Variants in COL13A1 observed in about 807,000 individuals in gnomAD.
The protein encoded by COL13A1 is collagen alpha-1(XIII) chain.
A neutral mutation model predicts 130.9 loss-of-function variants in COL13A1; 89 were observed. That is an observed-to-expected ratio of 0.68 (90% CI 0.57 to 0.81). The LOEUF (loss-of-function observed/expected upper bound fraction) is 0.81. COL13A1 is among the 30% of genes least tolerant of loss of function. COL13A1 has a pLI of 0.00. For missense variants in COL13A1, 879 were observed against 934.6 expected, an observed-to-expected ratio of 0.94 and a Z score of 0.78; for synonymous variants, 402 against 341.6, an observed-to-expected ratio of 1.18 and a Z score of -1.95.
At chr10:69,845,599 G>A (rs1852818490) in intron 2 of COL13A1, among the ~76,000 whole-genome samples, 1 of 151,956 alleles carries the variant, frequency 6.6e-6, no homozygotes, top group African/African-American at 2.4e-5. Flanking sequence ...CCCTCAGCCT[G>A]CAGCCCCTCC....
At chr10:69,903,344 G>A (rs1035568367) in intron 15 of COL13A1, among the ~76,000 whole-genome samples, 7 of 152,226 alleles carry the variant, frequency 4.6e-5, no homozygotes, top group African/African-American at 7.2e-5. Context: ...AGAGCCCTGC[G>A]CCAAGCCTGA....
intron 1 of COL13A1, among the ~76,000 whole-genome samples, chr10:69,815,518 G>T (rs1844251169): frequency 6.6e-6 from 1 of 152,176 alleles, no homozygotes; most frequent in African/African-American, 2.4e-5. Context: ...CATCTTGGGG[G>T]TGTCTCACCA....
chr10:69,948,958 T>C (rs2068961005), intron 38 of COL13A1, among the ~76,000 whole-genome samples: 1 of 152,198 alleles, frequency 6.6e-6, no homozygotes, highest in Admixed American at 6.5e-5. Flanking sequence ...CTTTCCTCCA[T>C]CCCCTTTACA....
At chr10:69,931,806 C>T (rs2066160757) in intron 30 of COL13A1, among the ~76,000 whole-genome samples, 1 of 152,210 alleles carries the variant, frequency 6.6e-6, no homozygotes, top group African/African-American at 2.4e-5. Flanking sequence ...AACGTAGCGG[C>T]CTAAGAAAAT....
At chr10:69,838,499 A>G (rs1714572211) in intron 2 of COL13A1, among the ~76,000 whole-genome samples, 1 of 152,206 alleles carries the variant, frequency 6.6e-6, no homozygotes, top group Non-Finnish European at 1.5e-5. Context: ...GTGGTACAGT[A>G]CCTGGCATGG....
At chr10:69,906,129 G>A (rs1290387582) in intron 17 of COL13A1, among the ~76,000 whole-genome samples, 1 of 152,242 alleles carries the variant, frequency 6.6e-6, no homozygotes, top group Non-Finnish European at 1.5e-5. Flanking sequence ...TTTATTAAGT[G>A]CTACTGTCAC....
chr10:69,846,661 C>T (rs1853191353), intron 2 of COL13A1, among the ~76,000 whole-genome samples: 1 of 152,086 alleles, frequency 6.6e-6, no homozygotes, highest in South Asian at 2.1e-4. Context: ...AATTTGTTAG[C>T]ACCAGCTAAT....
intron 12 of COL13A1, among the ~76,000 whole-genome samples, chr10:69,895,303 C>T (rs529204001): frequency 1.1e-4 from 16 of 152,310 alleles, no homozygotes; most frequent in African/African-American, 3.4e-4. Context: ...TGGTATAAGG[C>T]GAAGCCCCAC....
At chr10:69,886,195 G>T (rs1299547000) in intron 7 of COL13A1, among the ~76,000 whole-genome samples, 1 of 152,190 alleles carries the variant, frequency 6.6e-6, no homozygotes, top group African/African-American at 2.4e-5. Context: ...CTATTCTGGA[G>T]CTTCCCTGTT....
chr10:69,867,857 C>T (rs2058677156), intron 3 of COL13A1, 52 bp downstream of exon 3: 8 of 717,826 alleles, frequency 1.1e-5, no homozygotes, highest in Non-Finnish European at 2.1e-5. Context: ...GTGTCACCTG[C>T]TGGTAACGGG....
At position 69,902,801 on chromosome 10, in the gene COL13A1, T is replaced by C. The variant is rs1460058040; in HGVS notation, c.804T>C (p.Pro268=). The C allele has an allele frequency of 6.4e-7, 1 of 1,551,848 alleles. No individual in the cohort carries two copies. Among genetic ancestry groups the C allele is most frequent in the Non-Finnish European group, 8.7e-7 (1 of 1,147,050 alleles). The change falls in exon 15 of 41, where the codon CCT becomes CCC. Residue 268 remains proline (P), a synonymous_variant. Transcript: ENST00000645393. ...GTCCACCAGGGCCCCCAGGCCCCCCTGGACCAAGTGGACCTCTGGGGCACC... is the reference window on the plus strand; with the variant it reads ...GTCCACCAGGGCCCCCAGGCCCCCCCGGACCAAGTGGACCTCTGGGGCACC... ...IQGPPGPPGP[P]GPSGPLGHPG...
Position 69,959,001 on chromosome 10 carries a change from G to T in COL13A1, c.*300G>T. 5.3e-6 allele frequency: 2 copies of T among 374,028 alleles called. No homozygotes were observed. Among genetic ancestry groups the T allele is most frequent in the South Asian group, 3.8e-5 (1 of 26,032 alleles). The allele number at this position is 374,028 out of a possible 1,614,324, so 23.2% of individuals were successfully genotyped here. A position where few individuals can be genotyped will look rare whatever the true frequency, so the allele number is the denominator to read the frequency against. ...ATTATTGTGTCCTGGTGCCAAAGGG[G>T]GCCAGCCAGAACTGAGGTGCTGGCT... On this transcript the variant is annotated 3_prime_UTR_variant, in exon 41 of 41. Coordinates refer to ENST00000645393, the MANE Select transcript of COL13A1 (RefSeq NM_001368882.1).
chr10:69,937,168 C>T (rs2067040198), intron 33 of COL13A1, among the ~76,000 whole-genome samples: 1 of 152,202 alleles, frequency 6.6e-6, no homozygotes, highest in African/African-American at 2.4e-5. Context: ...CCCGGCCTCC[C>T]CTGAACCATT....
chr10:69,871,193 A>G (rs2059030557), intron 3 of COL13A1, among the ~76,000 whole-genome samples: 1 of 151,982 alleles, frequency 6.6e-6, no homozygotes, highest in African/African-American at 2.4e-5. Flanking sequence ...TTGAGCACTA[A>G]AGCTCTGGTT....
At chr10:69,929,365 T>G (rs1299654321) in intron 28 of COL13A1, among the ~76,000 whole-genome samples, 13 of 151,906 alleles carry the variant, frequency 8.6e-5, no homozygotes, top group Non-Finnish European at 1.9e-4. Context: ...CCTTTTACAC[T>G]CCACACACCT....
chr10:69,812,447 G>A (rs978474624), intron 1 of COL13A1, among the ~76,000 whole-genome samples: 1 of 152,330 alleles, frequency 6.6e-6, no homozygotes, highest in Admixed American at 6.5e-5. Context: ...TTAAAAAAAA[G>A]TTAAGATATA....
intron 2 of COL13A1, among the ~76,000 whole-genome samples, chr10:69,864,729 T>C (rs916988161): frequency 2.6e-5 from 4 of 152,180 alleles, no homozygotes; most frequent in African/African-American, 9.7e-5. Flanking sequence ...TGTGTCCATT[T>C]TGGGGAAGCA....
At chr10:69,865,827 G>T (rs184138733) in intron 2 of COL13A1, among the ~76,000 whole-genome samples, 48 of 152,130 alleles carry the variant, frequency 3.2e-4, no homozygotes, top group African/African-American at 1.1e-3. Flanking sequence ...ATTGCAGGGT[G>T]GGGGGTAGGT....
chr10:69,946,003 G>T (rs2068466974), intron 37 of COL13A1, among the ~76,000 whole-genome samples: 3 of 151,832 alleles, frequency 2.0e-5, no homozygotes. Context: ...CCAGGAGGTG[G>T]AGGTTGCAGT....
Sources: gnomAD v4.1 joint callset for allele counts (sites outside exome capture counted in the v4.1 genomes callset) on GRCh38, gnomAD v4.1.1 for gene constraint, MANE v1.5 for transcripts, NCBI Gene and HGNC (gene_info 2026-07-23, HGNC 2026-07-21) for gene names.